The following GLT1D1 variants were observed in gnomAD, a reference collection of about 807,000 sequenced individuals.
The protein encoded by GLT1D1 is glycosyltransferase 1 domain containing 1, also known as glycosyltransferase 1 domain-containing protein 1.
In GLT1D1, 21 loss-of-function variants were observed where a neutral mutation model predicts 28.7. The ratio of observed to expected loss-of-function variants is 0.73; its 90% confidence interval spans 0.52 to 1.05. The LOEUF (loss-of-function observed/expected upper bound fraction) is 1.05, where lower values mean the gene tolerates loss of function less well. Among genes scored for constraint, GLT1D1 ranks in the 50% least tolerant of loss-of-function variants. The pLI is 0.00. For synonymous variants in GLT1D1, 147 were observed against 124.8 expected (o/e 1.18, Z -1.19); for missense variants, 343 against 330.6 (o/e 1.04, Z -0.29).
At chr12:128,925,044 T>A (rs982013444) in intron 4 of GLT1D1, among the ~76,000 whole-genome samples, 1 of 152,150 alleles carries the variant, frequency 6.6e-6, no homozygotes, top group Non-Finnish European at 1.5e-5. Flanking sequence ...TTTTTTGTTT[T>A]TTTTTTTTAC....
intron 6 of GLT1D1, among the ~76,000 whole-genome samples, chr12:128,953,511 T>C (rs1226672726): frequency 1.3e-5 from 2 of 152,178 alleles, no homozygotes; most frequent in African/African-American, 4.8e-5. Flanking sequence ...CCAATCTTCC[T>C]ATTTTCTTGT....
chr12:128,883,146 C>T (rs974956005), intron 2 of GLT1D1, among the ~76,000 whole-genome samples: 2 of 150,848 alleles, frequency 1.3e-5, no homozygotes, highest in Admixed American at 6.6e-5. Flanking sequence ...GGATGGTCTC[C>T]ATCTCCTGAC....
At chr12:128,931,293 A>T (rs896359981) in intron 4 of GLT1D1, among the ~76,000 whole-genome samples, 142 of 138,216 alleles carry the variant, frequency 1.0e-3, no homozygotes, top group African/African-American at 3.8e-3. Context: ...GAGCCACTGC[A>T]CCTGGCCACT....
chr12:128,877,069 G>A (rs1296772908), intron 2 of GLT1D1, among the ~76,000 whole-genome samples: 1 of 152,110 alleles, frequency 6.6e-6, no homozygotes, highest in African/African-American at 2.4e-5. Context: ...AAATGCATGT[G>A]GACCTTATTT....
chr12:128,923,316 A>G (rs1206598622), intron 4 of GLT1D1, among the ~76,000 whole-genome samples: 1 of 152,218 alleles, frequency 6.6e-6, no homozygotes, highest in Non-Finnish European at 1.5e-5. Flanking sequence ...CTGAAGTTTT[A>G]GGTCGGCTTG....
intron 7 of GLT1D1, among the ~76,000 whole-genome samples, chr12:128,962,559 G>T (rs1192103417): frequency 6.6e-6 from 1 of 152,156 alleles, no homozygotes; most frequent in Non-Finnish European, 1.5e-5. Flanking sequence ...TATGCAGGGG[G>T]TGAGGTGGCC....
At chr12:128,959,485 G>A (rs1371115548) in intron 7 of GLT1D1, among the ~76,000 whole-genome samples, 1 of 117,950 alleles carries the variant, frequency 8.5e-6, no homozygotes, top group Non-Finnish European at 1.8e-5. Flanking sequence ...GGGAGTGGGG[G>A]CTGGCAGGGG....
At chr12:128,867,628 C>G (rs1566085605) in intron 1 of GLT1D1, among the ~76,000 whole-genome samples, 1 of 152,064 alleles carries the variant, frequency 6.6e-6, no homozygotes, top group African/African-American at 2.4e-5. Flanking sequence ...CCCTCTGCCT[C>G]GGGGGTCCCC....
intron 4 of GLT1D1, among the ~76,000 whole-genome samples, chr12:128,902,684 C>T (rs1318886640): frequency 6.6e-6 from 1 of 151,490 alleles, no homozygotes; most frequent in Non-Finnish European, 1.5e-5. Context: ...ACCAAAACAA[C>T]ATATTGCAAC....
At chr12:128,878,617 T>A (rs1956928743) in intron 2 of GLT1D1, among the ~76,000 whole-genome samples, 1 of 151,248 alleles carries the variant, frequency 6.6e-6, no homozygotes, top group Admixed American at 6.6e-5. Context: ...TTTTTTTTTC[T>A]TTTTTTTTGA....
At position 128,983,052 on chromosome 12, in the gene GLT1D1, C is replaced by T. The variant is rs1428892789; in HGVS notation, c.763C>T (p.Gln255Ter). ...GCAGGTGGAAAGAGACACCTACCAA[C>T]AGCTCATCAGGAAGCTGGAAGGAAG... Residue 255 changes from glutamine to a stop codon, truncating the protein, a stop_gained, in exon 8 of 8, where the codon CAG (glutamine) becomes TAG (stop). Coordinates refer to ENST00000281703, the MANE Select transcript of GLT1D1 (RefSeq NM_144669.3). LOFTEE classifies it low-confidence loss of function (END_TRUNC). The surrounding 1 kb of genome is among the most constrained non-coding windows in gnomAD (Gnocchi z 4.7). 1 of 1,614,008 alleles carries T rather than the reference C, an allele frequency of 6.2e-7. No homozygotes were observed. The highest frequency in any genetic ancestry group is 1.3e-5 in the African/African-American group (1 of 74,928).
chr12:128,903,405 A>G (rs1870509595), intron 4 of GLT1D1, among the ~76,000 whole-genome samples: 1 of 151,694 alleles, frequency 6.6e-6, no homozygotes, highest in African/African-American at 2.4e-5. Flanking sequence ...CATTGACCAA[A>G]GCAACTCAGC....
intron 2 of GLT1D1, among the ~76,000 whole-genome samples, chr12:128,886,181 A>C (rs893825746): frequency 5.9e-5 from 9 of 152,206 alleles, no homozygotes; most frequent in African/African-American, 2.2e-4. Context: ...CTGTGAGTCC[A>C]TTAAACCTCT....
intron 4 of GLT1D1, among the ~76,000 whole-genome samples, chr12:128,909,215 AAAAAGAAAAG>A (rs146404437): frequency 1.3e-5 from 2 of 151,842 alleles, no homozygotes; most frequent in Admixed American, 6.6e-5. Flanking sequence ...TTCCTAGTAA[AAAAAGAAAAG>A]AAAAGAAAAG....
chr12:128,919,138 C>T (rs1184378419), intron 4 of GLT1D1, among the ~76,000 whole-genome samples: 1 of 152,196 alleles, frequency 6.6e-6, no homozygotes, highest in East Asian at 1.9e-4. Context: ...TCTTTGTCGT[C>T]TCTCAGGCTC....
chr12:128,914,700 C>G (rs998102414), intron 4 of GLT1D1, among the ~76,000 whole-genome samples: 3 of 151,858 alleles, frequency 2.0e-5, no homozygotes, highest in Non-Finnish European at 2.9e-5. Context: ...GGCGCCTATA[C>G]TCCCAGCTAC....
intron 7 of GLT1D1, among the ~76,000 whole-genome samples, chr12:128,967,022 G>A (rs750815249): frequency 3.4e-4 from 52 of 152,116 alleles, no homozygotes; most frequent in Non-Finnish European, 5.3e-4. Flanking sequence ...TTATAGCTTC[G>A]AAATTAAAAT....
At chr12:128,970,885 C>G (rs1049126751) in intron 7 of GLT1D1, among the ~76,000 whole-genome samples, 1 of 152,356 alleles carries the variant, frequency 6.6e-6, no homozygotes. Flanking sequence ...GGCATGTTTA[C>G]TCATCAGCTG....
chr12:128,915,087 G>A, intron 4 of GLT1D1, 98 bp downstream of exon 6: 2 of 937,876 alleles, frequency 2.1e-6, no homozygotes, highest in Non-Finnish European at 3.3e-6. Flanking sequence ...AAAAGTGGTT[G>A]TCAGAGAGAA....
Sources: gnomAD v4.1 joint callset for allele counts (sites outside exome capture counted in the v4.1 genomes callset) on GRCh38, gnomAD v4.1.1 for gene constraint, Gnocchi (gnomAD v3.1) non-coding constraint, MANE v1.5 for transcripts, NCBI Gene and HGNC (gene_info 2026-07-23, HGNC 2026-07-21) for gene names.